Variants in USP47 observed in about 807,000 individuals in gnomAD.
USP47 encodes the protein ubiquitin specific peptidase 47, also known as ubiquitin carboxyl-terminal hydrolase 47.
In USP47, 35 loss-of-function variants were observed where a neutral mutation model predicts 165.1. The ratio of observed to expected loss-of-function variants is 0.21; its 90% CI spans 0.16 to 0.28. The LOEUF is 0.28. USP47 is among the 10% of genes least tolerant of loss of function. The pLI is 1.00. For missense variants in USP47, 1,277 were observed against 1,607.4 expected (o/e 0.79, Z 3.52); for synonymous variants, 531 against 544.5 (o/e 0.98, Z 0.35).
chr11:11,960,196 C>T lies in USP47; in HGVS notation c.*4021C>T, dbSNP rs1191118283. ...ACCTCCATAGTGCCTCCAAGATGTG[C>T]TGTCCCTGCCAACTCCTGCACCAGC... On this transcript the variant is annotated 3_prime_UTR_variant, in exon 28 of 28. Transcript: ENST00000527733. Among the ~76,000 whole-genome samples the T allele has an allele frequency of 1.3e-5, 2 of 152,222 alleles. No homozygotes were observed. The highest frequency in any genetic ancestry group is 2.9e-5 in the Non-Finnish European group (2 of 68,038).
In USP47 at chr11:11,917,404, C is replaced by T. The variant is rs567980097; in HGVS notation, c.970-2752C>T. On this transcript the variant is annotated intron_variant, in intron 8 of 27. Coordinates refer to ENST00000527733, the MANE Select transcript of USP47 (RefSeq NM_001282659.2). ...CCAACCAAGAGATCACGGGCAGCTT[C>T]GGCAAAAGAACTGTGAGCACTTACT... is the stretch of plus-strand genomic sequence containing the variant. Among the ~76,000 whole-genome samples the T allele has an allele frequency of 2.6e-5, 4 of 152,176 alleles. No homozygotes were observed. In the South Asian group the frequency reaches 6.2e-4, roughly 24 times the overall value.
At chr11:11,861,330 G>T (rs1353165008) in intron 1 of USP47, among the ~76,000 whole-genome samples, 5 of 151,946 alleles carry the variant, frequency 3.3e-5, no homozygotes, top group Admixed American at 3.3e-4. Flanking sequence ...TCCTGACCTC[G>T]GGTGATTCGG....
intron 1 of USP47, among the ~76,000 whole-genome samples, chr11:11,879,144 A>C (rs753416415): frequency 6.6e-6 from 1 of 152,174 alleles, no homozygotes; most frequent in Non-Finnish European, 1.5e-5. Context: ...TAAGATTGGA[A>C]GAAGTTAAAC....
rs143825272 is a variant in USP47, at chr11:11,950,945, T to C, written c.3583+463T>C. 5.2e-3 allele frequency: 798 copies of C among 153,026 alleles called. 6 individuals carry two copies. Among genetic ancestry groups the C allele is most frequent in the Non-Finnish European group, 8.6e-3 (587 of 68,590 alleles). 9.5% of individuals were successfully genotyped at this position (153,026 alleles called of 1,614,324 possible). A position where few individuals can be genotyped will look rare whatever the true frequency, so the allele number is the denominator to read the frequency against. On this transcript the variant is annotated intron_variant, in intron 24 of 27. Coordinates refer to ENST00000527733, the MANE Select transcript of USP47 (RefSeq NM_001282659.2). ...TATGGCTTATTTTGTATTGAAGACA[T>C]GGTACTGATAATTTATCAGAGACTC... is the stretch of plus-strand genomic sequence containing the variant.
chr11:11,871,230 G>T (rs1850017789), intron 1 of USP47, among the ~76,000 whole-genome samples: 1 of 151,992 alleles, frequency 6.6e-6, no homozygotes, highest in South Asian at 2.1e-4. Flanking sequence ...GCAGCTGGGT[G>T]CAGTGGCGCA....
intron 22 of USP47, among the ~76,000 whole-genome samples, chr11:11,949,561 A>G (rs1416405329): frequency 6.6e-6 from 1 of 152,182 alleles, no homozygotes; most frequent in Non-Finnish European, 1.5e-5. Flanking sequence ...ATTTTAGTCC[A>G]TAAAAGTGGT....
intron 8 of USP47, among the ~76,000 whole-genome samples, chr11:11,919,617 G>C (rs1024997655): frequency 6.6e-6 from 1 of 151,800 alleles, no homozygotes; most frequent in Non-Finnish European, 1.5e-5. Context: ...CACACACACA[G>C]AAGGTTGCAC....
intron 4 of USP47, among the ~76,000 whole-genome samples, chr11:11,893,556 C>T (rs1851675135): frequency 1.3e-5 from 2 of 152,176 alleles, no homozygotes; most frequent in Admixed American, 1.3e-4. Context: ...CCCACCCCAG[C>T]CTCCCAAGTA....
At chr11:11,855,261 C>T (rs1196030442) in intron 1 of USP47, among the ~76,000 whole-genome samples, 1 of 152,122 alleles carries the variant, frequency 6.6e-6, no homozygotes, top group Admixed American at 6.5e-5. Context: ...TATTAGGATT[C>T]AGTGCGAAAT....
intron 1 of USP47, among the ~76,000 whole-genome samples, chr11:11,849,370 A>G (rs984971422): frequency 4.6e-5 from 7 of 152,280 alleles, no homozygotes; most frequent in Admixed American, 4.6e-4. Flanking sequence ...ACATTTGGCA[A>G]TGTTGGGGGA....
intron 16 of USP47, among the ~76,000 whole-genome samples, chr11:11,935,733 C>T (rs1855012954): frequency 6.6e-6 from 1 of 151,770 alleles, no homozygotes; most frequent in African/African-American, 2.4e-5. Flanking sequence ...GTGACATAAG[C>T]TATAAGGAAA....
chr11:11,871,801 C>T (rs1322406365), intron 1 of USP47, among the ~76,000 whole-genome samples: 1 of 152,104 alleles, frequency 6.6e-6, no homozygotes, highest in Non-Finnish European at 1.5e-5. Context: ...TTGCTGGACT[C>T]CACCTGCACT....
At chr11:11,868,977 CT>C (rs1218115096) in intron 1 of USP47, among the ~76,000 whole-genome samples, 3 of 151,386 alleles carry the variant, frequency 2.0e-5, no homozygotes, top group South Asian at 2.1e-4. Flanking sequence ...GGATTGTTTG[CT>C]TTTTTTTGTA....
chr11:11,898,943 T>C (rs1240487565), intron 5 of USP47, among the ~76,000 whole-genome samples: 1 of 152,204 alleles, frequency 6.6e-6, no homozygotes, highest in Non-Finnish European at 1.5e-5. Context: ...TCATAGTAAC[T>C]GTATGAATTT....
chr11:11,861,240 A>G (rs972200001), intron 1 of USP47, among the ~76,000 whole-genome samples: 2 of 152,100 alleles, frequency 1.3e-5, no homozygotes, highest in Non-Finnish European at 2.9e-5. Context: ...AATTACAGGC[A>G]TGTGCCACCA....
chr11:11,848,607 A>ATT (rs35165430), intron 1 of USP47, among the ~76,000 whole-genome samples: 24 of 113,482 alleles, frequency 2.1e-4, no homozygotes, highest in Admixed American at 2.5e-4. Context: ...TGAAACTGGC[A>ATT]TTTTTTTTTT....
intron 11 of USP47, 29 bp from the exon 12 acceptor site, chr11:11,929,403 CCT>C: frequency 6.2e-7 from 1 of 1,605,948 alleles, no homozygotes; most frequent in South Asian, 1.1e-5. Flanking sequence ...TTTTCCTTCT[CCT>C]CTGAGTTACT....
At chr11:11,932,896 C>T (rs1854778742) in intron 14 of USP47, 108 bp from the exon 15 acceptor site, 2 of 763,408 alleles carry the variant, frequency 2.6e-6, no homozygotes, top group Non-Finnish European at 4.2e-6. Context: ...GATATATCTC[C>T]ATGAGTGCTA....
rs147909334 is a variant in USP47 at position 11,895,500 on chromosome 11, G to T, written c.497-2097G>T. On this transcript the variant is annotated intron_variant, in intron 4 of 27. Coordinates refer to ENST00000527733, the MANE Select transcript of USP47 (RefSeq NM_001282659.2). ...AAATTATTATAAATTTTGGCACCAT[G>T]TGTGAAATGTTCTTATTAGAAAATG... is the stretch of plus-strand genomic sequence containing the variant. Among the ~76,000 whole-genome samples the T allele has an allele frequency of 3.3e-5, 5 of 152,280 alleles. No homozygotes were observed. The East Asian group carries it at 9.7e-4, about 29-fold the overall frequency.
Sources: gnomAD v4.1 joint callset for allele counts (sites outside exome capture counted in the v4.1 genomes callset) on GRCh38, gnomAD v4.1.1 for gene constraint, MANE v1.5 for transcripts, NCBI Gene and HGNC (gene_info 2026-07-23, HGNC 2026-07-21) for gene names.